Variants in COIL observed in about 807,000 individuals in gnomAD.
COIL encodes coilin p80.
In COIL, 28 loss-of-function variants were observed where a neutral mutation model predicts 51.6. The observed-to-expected ratio is 0.54, with a 90% CI of 0.40 to 0.74. COIL has a LOEUF of 0.74. Ranked by LOEUF, COIL falls within the 30% of genes least tolerant of loss-of-function variation. The pLI, the probability that COIL is intolerant of heterozygous loss-of-function variation, is 0.00. For synonymous variants in COIL, 233 were observed against 255.8 expected, an observed-to-expected ratio of 0.91 and a Z score of 0.85; for missense variants, 667 against 685.9, an observed-to-expected ratio of 0.97 and a Z score of 0.31.
Position 56,960,955 on chromosome 17 carries a change from TGCGG to T in COIL, c.61_64del (p.Pro21ThrfsTer11). The T allele has an allele frequency of 6.2e-7, 1 of 1,613,984 alleles. No individual in the cohort carries two copies. The highest frequency in any genetic ancestry group is 2.2e-5 in the East Asian group (1 of 44,872). On this transcript the variant is annotated frameshift_variant, in exon 1 of 7. Transcript: ENST00000240316. LOFTEE classifies it high-confidence loss of function. Reference sequence around the variant, plus strand: ...GACCAGAAGCCAGAAGGCCGTACAGTGCGGGGTAGCTGGCGGCGGGTAATCAAAT... The same window carrying T: ...GACCAGAAGCCAGAAGGCCGTACAGTGGTAGCTGGCGGCGGGTAATCAAAT...
chr17:56,952,162 G>C, intron 1 of COIL: 1 of 479,392 alleles, frequency 2.1e-6, no homozygotes, highest in South Asian at 1.5e-5. Flanking sequence ...TGGCAAATCT[G>C]AAACCACTGA....
chr17:56,949,408 A>G lies in COIL; in HGVS notation c.1467T>C (p.Ser489=), dbSNP rs760148970. Residue 489 remains serine (S), a synonymous_variant, in exon 4 of 7, where the codon TCT becomes TCC. Coordinates refer to ENST00000240316, the MANE Select transcript of COIL (RefSeq NM_004645.3). ...TTACCTTGTAGTCAGAGACATCAGGAGAGTAACTGGATGTTAGCTCCAAAA... is the reference window on the plus strand; with the variant it reads ...TTACCTTGTAGTCAGAGACATCAGGGGAGTAACTGGATGTTAGCTCCAAAA... ...FKLLELTSSY[S]PDVSDYKEGR... 1 of 1,600,636 alleles carries G rather than the reference A, an allele frequency of 6.2e-7. No homozygotes were observed. The highest frequency in any genetic ancestry group is 8.5e-7 in the Non-Finnish European group (1 of 1,177,242).
intron 6 of COIL, 99 bp downstream of exon 6, chr17:56,941,936 C>T: frequency 4.2e-6 from 4 of 951,096 alleles, no homozygotes; most frequent in Non-Finnish European, 6.7e-6. Context: ...AGGTCAGATT[C>T]CCCCCAGGGC....
intron 1 of COIL, among the ~76,000 whole-genome samples, chr17:56,953,781 A>G (rs1415203915): frequency 6.6e-6 from 1 of 152,206 alleles, no homozygotes; most frequent in Non-Finnish European, 1.5e-5. Context: ...AAAACTAACT[A>G]TACAGACAAA....
intron 1 of COIL, among the ~76,000 whole-genome samples, chr17:56,958,103 A>G (rs575298893): frequency 1.4e-4 from 22 of 152,336 alleles, no homozygotes; most frequent in South Asian, 8.3e-4. Flanking sequence ...TTTTGTCTCT[A>G]TAACTGTGCT....
intron 1 of COIL, among the ~76,000 whole-genome samples, chr17:56,954,443 C>T (rs1910445855): frequency 6.6e-6 from 1 of 152,126 alleles, no homozygotes; most frequent in Non-Finnish European, 1.5e-5. Context: ...CGCCTGTAGT[C>T]CCAGCTACTC....
At chr17:56,953,122 A>C (rs192610180) in intron 1 of COIL, among the ~76,000 whole-genome samples, 1 of 152,024 alleles carries the variant, frequency 6.6e-6, no homozygotes, top group East Asian at 1.9e-4. Flanking sequence ...TACAAAATAC[A>C]AACATCAGGC....
chr17:56,952,863 C>T (rs1001620871), intron 1 of COIL, among the ~76,000 whole-genome samples: 1 of 152,136 alleles, frequency 6.6e-6, no homozygotes, highest in Non-Finnish European at 1.5e-5. Flanking sequence ...TCCAAAATTT[C>T]ACTATAGGAA....
chr17:56,956,662 A>T (rs1910489959), intron 1 of COIL, among the ~76,000 whole-genome samples: 1 of 150,172 alleles, frequency 6.7e-6, no homozygotes. Context: ...CACCATCTCA[A>T]CTCACCGAAG....
chr17:56,950,453 T>C lies in COIL; in HGVS notation c.789A>G (p.Lys263=). 1 of 1,614,204 alleles carries C rather than the reference T, an allele frequency of 6.2e-7. No individual in the cohort carries two copies. ...CDESISDGPS[K]VTLEARNSSE... is the part of the protein sequence containing the mutation. ...AGGAATTTCTGGCCTCCAAAGTGAC[T>C]TTGCTGGGACCATCACTGATAGATT... is the stretch of plus-strand genomic sequence containing the variant. Residue 263 remains lysine (K), a synonymous_variant, in exon 2 of 7, where the codon AAA becomes AAG. Coordinates refer to ENST00000240316, the MANE Select transcript of COIL (RefSeq NM_004645.3).
intron 6 of COIL, among the ~76,000 whole-genome samples, chr17:56,941,757 A>G (rs906402804): frequency 6.6e-6 from 1 of 152,240 alleles, no homozygotes; most frequent in African/African-American, 2.4e-5. Context: ...GTATGCCAAT[A>G]AAGTTTCTAA....
intron 5 of COIL, among the ~76,000 whole-genome samples, chr17:56,943,559 G>T (rs1910187088): frequency 6.6e-6 from 1 of 152,184 alleles, no homozygotes; most frequent in South Asian, 2.1e-4. Flanking sequence ...AGACAAGGAG[G>T]CACCACAACT....
chr17:56,958,382 G>T (rs921954139), intron 1 of COIL, among the ~76,000 whole-genome samples: 1 of 152,154 alleles, frequency 6.6e-6, no homozygotes, highest in African/African-American at 2.4e-5. Context: ...ATTTGCCAGG[G>T]AAAAACAATG....
rs763664267 is a variant in COIL, at chr17:56,949,410, A to G, written c.1465T>C (p.Ser489Pro). The G allele has an allele frequency of 6.2e-7, 1 of 1,601,342 alleles. No individual in the cohort carries two copies. Among genetic ancestry groups the G allele is most frequent in the South Asian group, 1.1e-5 (1 of 88,592 alleles). ...FKLLELTSSY[S>P]PDVSDYKEGR... ...ACCTTGTAGTCAGAGACATCAGGAG[A>G]GTAACTGGATGTTAGCTCCAAAAGC... Residue 489 changes from serine (S) to proline (P), a missense_variant, in exon 4 of 7, where the codon TCT (serine) becomes CCT (proline). Coordinates refer to ENST00000240316, the MANE Select transcript of COIL (RefSeq NM_004645.3).
intron 1 of COIL, among the ~76,000 whole-genome samples, chr17:56,959,102 TG>T (rs1239179127): frequency 6.6e-6 from 1 of 151,404 alleles, no homozygotes; most frequent in Admixed American, 6.6e-5. Context: ...CCCAGTGCTT[TG>T]GGGGGCTGAG....
chr17:56,949,567 A>C (rs1199170375), intron 3 of COIL, 114 bp downstream of exon 3: 4 of 1,352,878 alleles, frequency 3.0e-6, no homozygotes, highest in Non-Finnish European at 4.2e-6. Context: ...CCGTAACAAC[A>C]CTGGGGTTCC....
intron 1 of COIL, among the ~76,000 whole-genome samples, chr17:56,953,249 A>C (rs1009270951): frequency 1.2e-4 from 18 of 151,820 alleles, no homozygotes; most frequent in Non-Finnish European, 2.5e-4. Context: ...GTCTCTACTA[A>C]AAATACAAAA....
chr17:56,941,977 G>C, intron 6 of COIL, 58 bp downstream of exon 6: 1 of 1,369,146 alleles, frequency 7.3e-7, no homozygotes. Context: ...CCAAACCACA[G>C]GTAATTGGTC....
chr17:56,948,884 C>T (rs1910302120), intron 4 of COIL, among the ~76,000 whole-genome samples: 2 of 151,102 alleles, frequency 1.3e-5, no homozygotes, highest in Admixed American at 6.6e-5. Flanking sequence ...AATCTTCTTG[C>T]TGAGAACTAT....
Sources: allele counts gnomAD v4.1 joint callset (sites outside exome capture counted in the v4.1 genomes callset), GRCh38; gene constraint gnomAD v4.1.1; transcripts MANE v1.5; gene names NCBI Gene and HGNC (gene_info 2026-07-23, HGNC 2026-07-21).